HERC1: variants seen among roughly 807,000 people sequenced by gnomAD.
HERC1 encodes the protein HECT and RLD domain containing E3 ubiquitin protein ligase family member 1.
HERC1 carries 160 observed loss-of-function variants against 554.3 expected under a neutral mutation model. The ratio of observed to expected loss-of-function variants is 0.29; its 90% CI spans 0.25 to 0.33. The LOEUF (loss-of-function observed/expected upper bound fraction) is 0.33. Ranked by LOEUF, HERC1 falls within the 10% of genes least tolerant of loss-of-function variation. The pLI, the probability that HERC1 is intolerant of heterozygous loss-of-function variation, is 1.00. For synonymous variants in HERC1, 2,175 were observed against 2,131.7 expected (o/e 1.02, Z -0.56); for missense variants, 4,919 against 5,918.5 (o/e 0.83, Z 5.54).
intron 55 of HERC1, among the ~76,000 whole-genome samples, chr15:63,646,802 C>A (rs1164237307): frequency 6.1e-5 from 9 of 147,946 alleles, no homozygotes; most frequent in Admixed American, 5.5e-4. Flanking sequence ...AGCATGACTC[C>A]ATCTCAGGAA....
chr15:63,762,449 G>C (rs1238328929), intron 3 of HERC1, among the ~76,000 whole-genome samples: 1 of 152,058 alleles, frequency 6.6e-6, no homozygotes, highest in African/African-American at 2.4e-5. Context: ...TCAGCCTCCT[G>C]AGTAGCTGGG....
At chr15:63,708,576 C>A (rs1349171160) in intron 24 of HERC1, among the ~76,000 whole-genome samples, 1 of 152,154 alleles carries the variant, frequency 6.6e-6, no homozygotes, top group African/African-American at 2.4e-5. Context: ...AACAGTTAAA[C>A]TTAGGGTTGG....
intron 2 of HERC1, among the ~76,000 whole-genome samples, chr15:63,766,513 AG>A (rs979630068): frequency 8.5e-5 from 13 of 152,180 alleles, no homozygotes; most frequent in Non-Finnish European, 1.5e-4. Context: ...GCTTGAACCC[AG>A]GAGGCGGAGG....
At chr15:63,672,776 GTTTAA>G in intron 38 of HERC1, 82 bp from the exon 39 acceptor site, 2 of 882,586 alleles carry the variant, frequency 2.3e-6, no homozygotes, top group Non-Finnish European at 3.4e-6. Flanking sequence ...ACTTCTACCT[GTTTAA>G]TTTAAAAGTT....
intron 12 of HERC1, among the ~76,000 whole-genome samples, chr15:63,739,417 G>A (rs1000728555): frequency 1.1e-4 from 17 of 151,508 alleles, no homozygotes; most frequent in African/African-American, 3.9e-4. Flanking sequence ...GGCTGGTCTC[G>A]AACTATTTAT....
At chr15:63,617,093 T>C (rs967304688) in intron 74 of HERC1, among the ~76,000 whole-genome samples, 1 of 152,152 alleles carries the variant, frequency 6.6e-6, no homozygotes, top group Non-Finnish European at 1.5e-5. Context: ...ATGTGCCATG[T>C]TGGTGTGCTG....
rs2073995144 is a variant in HERC1, at chr15:63,725,281, A to C, written c.3568+11T>G. ...GGCATGTATTTTAAATGCTGCAGAG[A>C]AGCACATTACCCAATTGAGGAGTGT... On this transcript the variant is annotated intron_variant, in intron 18 of 77. Coordinates refer to ENST00000443617, the MANE Select transcript of HERC1 (RefSeq NM_003922.4). The C allele has an allele frequency of 6.2e-7, 1 of 1,608,616 alleles. No individual in the cohort carries two copies. The highest frequency in any genetic ancestry group is 1.7e-4 in the Middle Eastern group (1 of 5,750).
At chr15:63,644,783 T>G (rs1051104541) in intron 57 of HERC1, among the ~76,000 whole-genome samples, 1 of 152,210 alleles carries the variant, frequency 6.6e-6, no homozygotes, top group African/African-American at 2.4e-5. Context: ...CCACTTAATA[T>G]GTATAGAATA....
chr15:63,681,561 T>C (rs1183361554), intron 34 of HERC1, among the ~76,000 whole-genome samples: 3 of 152,074 alleles, frequency 2.0e-5, no homozygotes, highest in Non-Finnish European at 2.9e-5. Context: ...CCTGGGAATT[T>C]GACTGGTAAA....
In HERC1 at chr15:63,640,213, G is replaced by A. The variant is rs1566963376; in HGVS notation, c.11840C>T (p.Pro3947Leu). 6.2e-7 allele frequency: 1 copy of A among 1,613,898 alleles called. No individual in the cohort carries two copies. The highest frequency in any genetic ancestry group is 8.5e-7 in the Non-Finnish European group (1 of 1,179,816). The change falls in exon 61 of 78, where the codon CCA becomes CTA. Residue 3947 changes from proline to leucine, a missense_variant. This residue lies in a region of HERC1 where 1,963 missense variants were observed against 2,228.6 expected (regional missense o/e 0.88). Transcript: ENST00000443617. ...AEALTNGAQF[P>L]ESFTVPDLEP... ...TAGATCTGGAACGGTAAAAGATTCTGGAAACTGGGCTCCATTGGTCAGGGC... is the reference window on the plus strand; with the variant it reads ...TAGATCTGGAACGGTAAAAGATTCTAGAAACTGGGCTCCATTGGTCAGGGC...
intron 25 of HERC1, among the ~76,000 whole-genome samples, chr15:63,706,339 CTT>C (rs896528216): frequency 6.6e-6 from 1 of 151,916 alleles, no homozygotes; most frequent in African/African-American, 2.4e-5. Flanking sequence ...AAAATAGAAA[CTT>C]TTTATTTCAA....
At chr15:63,719,104 T>A (rs1158983338) in intron 19 of HERC1, among the ~76,000 whole-genome samples, 1 of 152,240 alleles carries the variant, frequency 6.6e-6, no homozygotes, top group African/African-American at 2.4e-5. Context: ...TAACAGAGCT[T>A]ATATTATTGT....
chr15:63,619,464 T>G (rs970326354), intron 74 of HERC1, among the ~76,000 whole-genome samples: 2 of 152,168 alleles, frequency 1.3e-5, no homozygotes, highest in Non-Finnish European at 2.9e-5. Flanking sequence ...TCTCTTTTTT[T>G]GTTGTGTCTC....
chr15:63,798,994 G>A (rs1254822809), intron 1 of HERC1, among the ~76,000 whole-genome samples: 1 of 152,098 alleles, frequency 6.6e-6, no homozygotes, highest in Non-Finnish European at 1.5e-5. Context: ...AAAAGAAGTT[G>A]ACTTTTTTAA....
chr15:63,639,793 T>C (rs896394351), intron 61 of HERC1, among the ~76,000 whole-genome samples: 1 of 152,188 alleles, frequency 6.6e-6, no homozygotes, highest in Non-Finnish European at 1.5e-5. Context: ...GCCAAATAAA[T>C]TAGAATCTAT....
At chr15:63,774,153 T>C (rs1214115550) in intron 2 of HERC1, among the ~76,000 whole-genome samples, 1 of 152,138 alleles carries the variant, frequency 6.6e-6, no homozygotes, top group Non-Finnish European at 1.5e-5. Flanking sequence ...AGTCTACCAG[T>C]CTCTATTCCC....
intron 69 of HERC1, among the ~76,000 whole-genome samples, 165 bp from the exon 70 acceptor site, chr15:63,628,980 T>G (rs1458038071): frequency 2.6e-5 from 4 of 151,936 alleles, no homozygotes; most frequent in Non-Finnish European, 5.9e-5. Flanking sequence ...AGATGGAGTC[T>G]TGCTCTGTTG....
chr15:63,649,077 A>G (rs940636501), intron 54 of HERC1, among the ~76,000 whole-genome samples: 1 of 152,206 alleles, frequency 6.6e-6, no homozygotes, highest in South Asian at 2.1e-4. Flanking sequence ...CATCTCGGCC[A>G]GGCACGGTGG....
chr15:63,696,977 C>T (rs2072454986), intron 26 of HERC1, among the ~76,000 whole-genome samples: 2 of 149,316 alleles, frequency 1.3e-5, no homozygotes, highest in Admixed American at 1.3e-4. Context: ...TTTAGATATA[C>T]AGAAAAGTTG....
Sources: gnomAD v4.1 joint callset for allele counts (sites outside exome capture counted in the v4.1 genomes callset) on GRCh38, gnomAD v4.1.1 for gene constraint, gnomAD v4.1.1 regional missense constraint, MANE v1.5 for transcripts, NCBI Gene and HGNC (gene_info 2026-07-23, HGNC 2026-07-21) for gene names.